SRP54: variants seen among roughly 807,000 people sequenced by gnomAD.
SRP54 encodes the protein signal recognition particle 54.
A neutral mutation model predicts 64.8 loss-of-function variants in SRP54; 10 were observed. The observed-to-expected ratio is 0.15, with a 90% CI of 0.10 to 0.26. The LOEUF (loss-of-function observed/expected upper bound fraction) is 0.26. Among genes scored for constraint, SRP54 ranks in the 10% least tolerant of loss-of-function variants. SRP54 has a pLI of 1.00. For missense variants in SRP54, 325 were observed against 613.7 expected (o/e 0.53, Z 4.97); for synonymous variants, 193 against 185.6 (o/e 1.04, Z -0.32).
chr14:35,022,018 A>G (rs1275918933), intron 13 of SRP54, among the ~76,000 whole-genome samples: 1 of 152,204 alleles, frequency 6.6e-6, no homozygotes, highest in African/African-American at 2.4e-5. Context: ...GAATTAAAAT[A>G]CTAGTAGTAG....
chr14:34,999,187 G>T (rs942475921), intron 2 of SRP54, among the ~76,000 whole-genome samples: 2 of 151,590 alleles, frequency 1.3e-5, no homozygotes, highest in African/African-American at 4.8e-5. Context: ...GCTCATTTTT[G>T]TATTTTTAGT....
chr14:35,000,003 AGAT>A (rs2044144136), intron 3 of SRP54: 1 of 158,654 alleles, frequency 6.3e-6, no homozygotes, highest in Non-Finnish European at 1.4e-5. Context: ...TTTAGGCTTA[AGAT>A]GATCTTAATC....
intron 7 of SRP54, among the ~76,000 whole-genome samples, chr14:35,010,050 A>C (rs1205462893): frequency 6.6e-6 from 1 of 151,960 alleles, no homozygotes; most frequent in African/African-American, 2.4e-5. Flanking sequence ...TGGGAGGCTG[A>C]GGCAGAAGAA....
chr14:35,011,390 A>G, intron 7 of SRP54, 119 bp from the exon 8 acceptor site: 1 of 659,546 alleles, frequency 1.5e-6, no homozygotes, highest in Non-Finnish European at 2.4e-6. Flanking sequence ...TTCCTCTTCT[A>G]AATTGAAATT....
chr14:35,016,299 T>C (rs1307508689), intron 11 of SRP54, among the ~76,000 whole-genome samples: 1 of 152,254 alleles, frequency 6.6e-6, no homozygotes, highest in Admixed American at 6.5e-5. Flanking sequence ...TAAAATTCTT[T>C]AGTGGCTTTC....
At chr14:35,010,103 G>A (rs528912674) in intron 7 of SRP54, among the ~76,000 whole-genome samples, 13 of 151,768 alleles carry the variant, frequency 8.6e-5, no homozygotes, top group East Asian at 5.9e-4. Flanking sequence ...AGCCGAGATC[G>A]TGCCACTACC....
chr14:35,013,970 A>ATT (rs2044396154), intron 10 of SRP54, 68 bp downstream of exon 10: 6 of 1,144,072 alleles, frequency 5.2e-6, no homozygotes, highest in Non-Finnish European at 7.8e-6. Flanking sequence ...ACAAAATAGG[A>ATT]TTTTAATTCT....
chr14:35,016,044 G>T (rs1039563058), intron 11 of SRP54, among the ~76,000 whole-genome samples: 1 of 152,008 alleles, frequency 6.6e-6, no homozygotes, highest in Non-Finnish European at 1.5e-5. Context: ...TCCTCACTCT[G>T]CCCACTCCTT....
chr14:34,990,828 C>T (rs1483594221), intron 1 of SRP54, among the ~76,000 whole-genome samples: 1 of 152,132 alleles, frequency 6.6e-6, no homozygotes, highest in Non-Finnish European at 1.5e-5. Flanking sequence ...ATTTAATGTA[C>T]AGTACAAATT....
At chr14:34,996,624 C>A in intron 1 of SRP54, 53 bp from the exon 2 acceptor site, 1 of 900,864 alleles carries the variant, frequency 1.1e-6, no homozygotes, top group Non-Finnish European at 1.9e-6. Context: ...TAGAACTCTT[C>A]AGTCATGGGA....
intron 1 of SRP54, among the ~76,000 whole-genome samples, chr14:34,988,880 T>A (rs2043944401): frequency 6.6e-6 from 1 of 151,990 alleles, no homozygotes; most frequent in Admixed American, 6.6e-5. Context: ...TATTTGCATA[T>A]GACCTATGCA....
intron 1 of SRP54, among the ~76,000 whole-genome samples, chr14:34,990,680 T>C (rs560431946): frequency 1.1e-3 from 168 of 152,348 alleles, no homozygotes; most frequent in South Asian, 6.2e-3. Flanking sequence ...GATTTAGGCT[T>C]AGCTATTAAC....
intron 1 of SRP54, among the ~76,000 whole-genome samples, chr14:34,991,266 A>T (rs963618636): frequency 2.0e-5 from 3 of 151,640 alleles, no homozygotes; most frequent in African/African-American, 7.3e-5. Context: ...AGTACCTGGG[A>T]TTACAGGCAT....
rs776763104 is a variant in SRP54 at position 34,996,692 on chromosome 14, C to T, written c.-18C>T. ...TCTGCTGTAGAGTTCTTCGTAAGTA[C>T]ATCTTAAAGCTGTCAAGATGGTTCT... is the stretch of plus-strand genomic sequence containing the variant. On this transcript the variant is annotated 5_prime_UTR_variant, in exon 2 of 16. Coordinates refer to ENST00000216774, the MANE Select transcript of SRP54 (RefSeq NM_003136.4). The T allele has an allele frequency of 5.6e-6, 9 of 1,596,848 alleles. No individual in the cohort carries two copies. Among genetic ancestry groups the T allele is most frequent in the Non-Finnish European group, 7.7e-6 (9 of 1,164,688 alleles).
At chr14:34,996,832 C>T in intron 2 of SRP54, 45 bp downstream of exon 2, 1 of 1,323,742 alleles carries the variant, frequency 7.6e-7, no homozygotes, top group Non-Finnish European at 1.1e-6. Flanking sequence ...TATATTGTCA[C>T]TAGCATTGGG....
intron 14 of SRP54, 37 bp from the exon 15 acceptor site, chr14:35,028,051 C>G (rs1193801772): frequency 6.3e-6 from 9 of 1,433,250 alleles, no homozygotes; most frequent in Non-Finnish European, 8.8e-6. Context: ...ATATTACCTC[C>G]TACGCTGACT....
rs1189261921 is a variant in SRP54 at position 35,029,133 on chromosome 14, T to C, written c.1496T>C (p.Met499Thr). ...GCTGCTGGCAACATGAAAGGCATGA[T>C]GGGATTCAATAATATGTAAAGAAAA... ...QGAAGNMKGM[M>T]GFNNM Residue 499 changes from methionine (M) to threonine (T), a missense_variant, in exon 16 of 16, where the codon ATG (methionine) becomes ACG (threonine). Met to Thr is a moderately conservative substitution (Grantham distance 81). Around this residue, in one of 3 missense-constraint regions of SRP54, gnomAD observed 23 missense variants for 21.7 expected, o/e 1.06. Transcript: ENST00000216774. 2 of 1,613,958 alleles carry C rather than the reference T, an allele frequency of 1.2e-6. No individual in the cohort carries two copies. Among genetic ancestry groups the C allele is most frequent in the Non-Finnish European group, 8.5e-7 (1 of 1,179,954 alleles).
At chr14:34,990,193 A>C (rs1331561288) in intron 1 of SRP54, among the ~76,000 whole-genome samples, 1 of 152,152 alleles carries the variant, frequency 6.6e-6, no homozygotes. Flanking sequence ...CCTTGTATGT[A>C]CTGGTCTGAT....
rs201091971 is a variant in SRP54 at position 34,991,125 on chromosome 14, T to TG, written c.-33-5552_-33-5551insG. ...ATTTCTTTTCTTTTTTTTTTTTTTT[T>TG]TTTTGTTGTTGTTGTTGTTGTTGAG... On this transcript the variant is annotated intron_variant, in intron 1 of 15. Transcript: ENST00000216774. Among the ~76,000 whole-genome samples, 781 of 105,704 alleles carry TG rather than the reference T, an allele frequency of 7.4e-3. 8 individuals carry two copies. The highest frequency in any genetic ancestry group is 0.021 in the African/African-American group (679 of 32,392). 69.3% of individuals were successfully genotyped at this position (105,704 alleles called of 152,430 possible).
Sources: gnomAD v4.1 joint callset for allele counts (sites outside exome capture counted in the v4.1 genomes callset) on GRCh38, gnomAD v4.1.1 for gene constraint, gnomAD v4.1.1 regional missense constraint, MANE v1.5 for transcripts, NCBI Gene and HGNC (gene_info 2026-07-23, HGNC 2026-07-21) for gene names.